Variants in ESR1 observed in about 807,000 individuals in gnomAD.
ESR1 encodes estrogen receptor 1.
Under a neutral mutation model 52.7 loss-of-function variants are expected in ESR1, and 12 were observed. That is an observed-to-expected ratio of 0.23 (90% CI 0.15 to 0.37). The LOEUF is 0.37. Ranked by LOEUF, ESR1 falls within the 10% of genes least tolerant of loss-of-function variation. ESR1 has a pLI of 1.00. For missense variants in ESR1, 584 were observed against 779.7 expected, an observed-to-expected ratio of 0.75 and a Z score of 2.99; for synonymous variants, 305 against 316.8, an observed-to-expected ratio of 0.96 and a Z score of 0.39.
chr6:152,068,530 T>TA (rs11311524), intron 6 of ESR1, among the ~76,000 whole-genome samples: 1 of 152,098 alleles, frequency 6.6e-6, no homozygotes. Flanking sequence ...AACATTTGTT[T>TA]AAAACCATCC....
In ESR1 at chr6:151,702,006, G is replaced by A. The variant is rs1374168219; in HGVS notation, c.-71+1G>A. Reference sequence around the variant, plus strand: ...ATCTGAACTTTGAACCATCACTGAGGTATGTGTGAACATACTAGTTTCCTC... The same window carrying A: ...ATCTGAACTTTGAACCATCACTGAGATATGTGTGAACATACTAGTTTCCTC... On this transcript the variant is annotated splice_donor_variant, in intron 2 of 2. Coordinates refer to the ESR1 transcript ENST00000404742. LOFTEE classifies it low-confidence loss of function (5UTR_SPLICE). 6.6e-6 allele frequency: 1 copy of A among 152,196 alleles called. No individual in the cohort carries two copies. Among genetic ancestry groups the A allele is most frequent in the Non-Finnish European group, 1.5e-5 (1 of 68,034 alleles). The allele number at this position is 152,196 out of a possible 1,614,324, so 9.4% of individuals were successfully genotyped here.
At chr6:151,713,023 C>T (rs1780742038) in intron 2 of ESR1, among the ~76,000 whole-genome samples, 1 of 152,006 alleles carries the variant, frequency 6.6e-6, no homozygotes, top group African/African-American at 2.4e-5. Context: ...TCAATGCCTA[C>T]TTTGTTGAGA....
At chr6:152,051,693 G>A (rs747319030) in intron 5 of ESR1, among the ~76,000 whole-genome samples, 3 of 152,096 alleles carry the variant, frequency 2.0e-5, no homozygotes, top group Admixed American at 6.6e-5. Flanking sequence ...AATTCTCTAA[G>A]GTCCATGTGG....
At chr6:151,749,528 C>T (rs1783744353) in intron 2 of ESR1, among the ~76,000 whole-genome samples, 1 of 152,202 alleles carries the variant, frequency 6.6e-6, no homozygotes, top group Admixed American at 6.5e-5. Context: ...TTCCTCTCAC[C>T]TAACTGCAAC....
intron 5 of ESR1, among the ~76,000 whole-genome samples, chr6:152,045,009 GA>G (rs2046113112): frequency 2.0e-5 from 3 of 152,308 alleles, no homozygotes; most frequent in Non-Finnish European, 1.5e-5. Flanking sequence ...TGGAAGAAAG[GA>G]AAACAGTTAC....
At chr6:152,068,891 C>T (rs1290930519) in intron 6 of ESR1, among the ~76,000 whole-genome samples, 1 of 139,952 alleles carries the variant, frequency 7.1e-6, no homozygotes, top group Admixed American at 6.7e-5. Context: ...CCACTTCCTC[C>T]ATGGACTGGG....
At chr6:151,717,460 G>A (rs1050670372) in intron 2 of ESR1, among the ~76,000 whole-genome samples, 2 of 152,188 alleles carry the variant, frequency 1.3e-5, no homozygotes, top group Non-Finnish European at 2.9e-5. Context: ...CTAATGATTT[G>A]ACAGCTTTGT....
At chr6:151,943,249 A>G (rs916757162) in intron 3 of ESR1, among the ~76,000 whole-genome samples, 20 of 151,998 alleles carry the variant, frequency 1.3e-4, no homozygotes, top group Non-Finnish European at 2.4e-4. Context: ...GCATGGTGGC[A>G]GGTGCCTGTA....
intron 2 of ESR1, among the ~76,000 whole-genome samples, chr6:151,726,253 G>A (rs1320956778): frequency 6.6e-6 from 1 of 151,868 alleles, no homozygotes; most frequent in Non-Finnish European, 1.5e-5. Context: ...AGTTTGTATA[G>A]TTTTCTATGC....
intron 2 of ESR1, among the ~76,000 whole-genome samples, chr6:151,857,024 A>T (rs73780885): frequency 0.068 from 10,427 of 152,228 alleles, 770 homozygotes; most frequent in East Asian, 0.24. Flanking sequence ...AAAAAGTTTG[A>T]TTCAAGAGTT....
chr6:151,704,930 G>A (rs189767636), intron 2 of ESR1, among the ~76,000 whole-genome samples: 155 of 150,614 alleles, frequency 1.0e-3, no homozygotes, highest in African/African-American at 3.6e-3. Flanking sequence ...GCAGGCAGAG[G>A]GCTTAGATCC....
Position 152,061,556 on chromosome 6 carries a change from T to C in ESR1, c.1369+432T>C, listed in dbSNP as rs1432772713. Among the ~76,000 whole-genome samples, 1 of 152,214 alleles carries C rather than the reference T, an allele frequency of 6.6e-6. No individual in the cohort carries two copies. The highest frequency in any genetic ancestry group is 2.1e-4 in the South Asian group (1 of 4,830). On this transcript the variant is annotated intron_variant, in intron 6 of 7. Transcript: ENST00000206249. The surrounding 1 kb of genome is among the most constrained non-coding windows in gnomAD (Gnocchi z 4.3). ...GACAGACCATGTTTCTGGTCAAAAC[T>C]GACTAGCTAAAAATATAGTTGGCTT...
At chr6:151,734,064 G>A (rs917160149) in intron 2 of ESR1, among the ~76,000 whole-genome samples, 26 of 152,064 alleles carry the variant, frequency 1.7e-4, no homozygotes, top group African/African-American at 5.3e-4. Context: ...AGATTTTTTT[G>A]CCTGTAACAC....
intron 1 of ESR1, among the ~76,000 whole-genome samples, chr6:151,699,131 C>A (rs957075000): frequency 1.3e-5 from 2 of 152,186 alleles, no homozygotes; most frequent in Non-Finnish European, 2.9e-5. Context: ...CCTTTCTTCA[C>A]TTCTTTCTCG....
At position 152,019,173 on chromosome 6, in the gene ESR1, T is replaced by C. The variant is rs574551351; in HGVS notation, c.1235+7379T>C. ...TATGATTGCCACTTCTTATTGAAGA[T>C]AAATCAAAATATCCATTTGACTAGA... On this transcript the variant is annotated intron_variant, in intron 5 of 7. Transcript: ENST00000206249. 9.2e-5 allele frequency among the ~76,000 whole-genome samples: 14 copies of C among 152,314 alleles called. 1 individual carries two copies. In the South Asian group the frequency reaches 2.9e-3, roughly 32 times the overall value.
intron 4 of ESR1, among the ~76,000 whole-genome samples, chr6:151,974,288 A>G (rs1054693023): frequency 4.6e-5 from 7 of 152,216 alleles, no homozygotes; most frequent in Non-Finnish European, 8.8e-5. Context: ...GTTATGTGTC[A>G]GGCACTTGGC....
chr6:152,116,130 T>A (rs1436598233), intron 6 of ESR1, among the ~76,000 whole-genome samples: 5 of 152,174 alleles, frequency 3.3e-5, no homozygotes, highest in African/African-American at 9.7e-5. Context: ...GTGTAAATCA[T>A]CACGACTTTT....
chr6:152,117,542 GATTT>G (rs2051224447), intron 6 of ESR1, among the ~76,000 whole-genome samples: 1 of 152,182 alleles, frequency 6.6e-6, no homozygotes, highest in African/African-American at 2.4e-5. Context: ...TCATGAGCCT[GATTT>G]ATTTTTCTGT....
At chr6:151,999,534 A>G (rs1011976984) in intron 4 of ESR1, among the ~76,000 whole-genome samples, 2 of 152,166 alleles carry the variant, frequency 1.3e-5, no homozygotes, top group African/African-American at 2.4e-5. Flanking sequence ...TAGCTCTTCA[A>G]TCATTTTATG....
Sources: allele counts gnomAD v4.1 joint callset (sites outside exome capture counted in the v4.1 genomes callset), GRCh38; gene constraint gnomAD v4.1.1; non-coding constraint Gnocchi (gnomAD v3.1); transcripts MANE v1.5; gene names NCBI Gene and HGNC (gene_info 2026-07-23, HGNC 2026-07-21).